Variants in PZP observed in about 807,000 individuals in gnomAD.
PZP encodes the protein PZP alpha-2-macroglobulin like.
PZP carries 150 observed loss-of-function variants against 179.8 expected under a neutral mutation model. The observed-to-expected ratio is 0.83, with a 90% confidence interval of 0.73 to 0.96. The LOEUF (loss-of-function observed/expected upper bound fraction) is 0.96, where lower values mean the gene tolerates loss of function less well. PZP is among the 40% of genes least tolerant of loss of function. PZP has a pLI of 0.00. For missense variants in PZP, 1,689 were observed against 1,764.0 expected, an observed-to-expected ratio of 0.96 and a Z score of 0.76; for synonymous variants, 624 against 652.3, an observed-to-expected ratio of 0.96 and a Z score of 0.66.
chr12:9,198,282 T>C (rs1369692528), intron 7 of PZP, among the ~76,000 whole-genome samples: 1 of 151,772 alleles, frequency 6.6e-6, no homozygotes, highest in Non-Finnish European at 1.5e-5. Flanking sequence ...AGCCCAGGAG[T>C]TTGAGGCTAC....
intron 21 of PZP, 98 bp downstream of exon 21, chr12:9,163,570 A>G: frequency 7.5e-7 from 1 of 1,341,622 alleles, no homozygotes; most frequent in Non-Finnish European, 1.0e-6. Flanking sequence ...TACAGGATGT[A>G]TTGTGTGAGC....
At chr12:9,140,600 G>A in the PZP span, among the ~76,000 whole-genome samples, 2 of 152,294 alleles carry the variant, frequency 1.3e-5, no homozygotes, top group South Asian at 4.1e-4. Flanking sequence ...CTTTTAAACT[G>A]GCATTGATGG....
chr12:9,168,493 T>C lies in PZP; in HGVS notation c.2107+376A>G, dbSNP rs73246399. On this transcript the variant is annotated intron_variant, in intron 17 of 35. Transcript: ENST00000261336. Reference sequence around the variant, plus strand: ...AGATATTTCTGTGATGTTCACGTTGTTTCTTGTCACCAGTGAAGCCCTTTG... The same window carrying C: ...AGATATTTCTGTGATGTTCACGTTGCTTCTTGTCACCAGTGAAGCCCTTTG... 1,744 of 176,844 alleles carry C rather than the reference T, an allele frequency of 9.9e-3. 29 individuals are homozygous for C. Among genetic ancestry groups the C allele is most frequent in the African/African-American group, 0.039 (1,642 of 42,134 alleles). 11.0% of individuals were successfully genotyped at this position (176,844 alleles called of 1,614,324 possible). A position where few individuals can be genotyped will look rare whatever the true frequency, so the allele number is the denominator to read the frequency against.
In PZP at chr12:9,181,961, G is replaced by A. The variant is rs371307538; in HGVS notation, c.1689+14C>T. Reference sequence around the variant, plus strand: ...TTTATTTGTGTTCTTTTAATTTTATGTTAAATCGCTCACCTTGTTGGCTAG... The same window carrying A: ...TTTATTTGTGTTCTTTTAATTTTATATTAAATCGCTCACCTTGTTGGCTAG... On this transcript the variant is annotated intron_variant, in intron 14 of 35. Transcript: ENST00000261336. 1.3e-4 allele frequency: 205 copies of A among 1,609,234 alleles called. No homozygotes were observed. In the African/African-American group the frequency reaches 2.4e-3, roughly 19 times the overall value.
chr12:9,166,007 A>G lies in PZP; in HGVS notation c.2258+45T>C, dbSNP rs1021892802. 1.9e-6 allele frequency: 3 copies of G among 1,561,926 alleles called. No individual in the cohort carries two copies. The African/African-American group carries it at 4.1e-5, about 22-fold the overall frequency. On this transcript the variant is annotated intron_variant, in intron 18 of 35. Coordinates refer to ENST00000261336, the MANE Select transcript of PZP (RefSeq NM_002864.3). ...TAGAATTGAAAATGTTGGAGGAACC[A>G]CATTCCCTCCCCTCCAGCAAATGGA...
intron 13 of PZP, among the ~76,000 whole-genome samples, chr12:9,187,632 G>C (rs547891260): frequency 6.6e-6 from 1 of 152,176 alleles, no homozygotes; most frequent in Non-Finnish European, 1.5e-5. Flanking sequence ...TTTGAAACCA[G>C]TAAGAACAAA....
At chr12:9,161,184 T>G (rs769649396) in intron 22 of PZP, 68 bp from the exon 23 acceptor site, 38 of 1,324,534 alleles carry the variant, frequency 2.9e-5, no homozygotes, top group Non-Finnish European at 3.8e-5. Flanking sequence ...GTGATTATAA[T>G]GTAGTGAGAG....
intron 34 of PZP, among the ~76,000 whole-genome samples, 199 bp downstream of exon 34, chr12:9,150,445 G>A (rs1320995664): frequency 6.6e-6 from 1 of 152,116 alleles, no homozygotes; most frequent in African/African-American, 2.4e-5. Flanking sequence ...ACCACACCCA[G>A]CTAATTTTTT....
chr12:9,178,093 G>C (rs1942509451), intron 15 of PZP, among the ~76,000 whole-genome samples: 1 of 152,164 alleles, frequency 6.6e-6, no homozygotes, highest in South Asian at 2.1e-4. Context: ...TACAAATCAA[G>C]ATCAAGAAAA....
chr12:9,188,940 T>A (rs1276166802), intron 13 of PZP, among the ~76,000 whole-genome samples: 2 of 152,084 alleles, frequency 1.3e-5, no homozygotes, highest in South Asian at 2.1e-4. Flanking sequence ...ATGAAAATGG[T>A]CATATTGCCC....
In PZP at chr12:9,205,433, A is replaced by G. The variant is rs1944398127; in HGVS notation, c.84-1482T>C. Among the ~76,000 whole-genome samples the G allele has an allele frequency of 2.6e-5, 4 of 152,206 alleles. No homozygotes were observed. In the South Asian group the frequency reaches 8.3e-4, roughly 31 times the overall value. On this transcript the variant is annotated intron_variant, in intron 1 of 35. Transcript: ENST00000261336. ...TGTTAAGCTGTCTCTGTATTAAGCC[A>G]TTTAATCTTCCCAGCAATGCTGTAA... is the stretch of plus-strand genomic sequence containing the variant.
rs750273929 is a variant in PZP at position 9,168,873 on chromosome 12, A to G, written c.2103T>C (p.Tyr701=). Residue 701 remains tyrosine (Y), a synonymous_variant, in exon 17 of 36, where the codon TAT becomes TAC. Coordinates refer to ENST00000261336, the MANE Select transcript of PZP (RefSeq NM_002864.3). ...AAAAGCAAATTGCTGTTTTACCTCC[A>G]TAGTATCCTTGACCTACTGCTCCTG... ...VSAGAVGQGY[Y]GAGLGVVERP... is the part of the protein sequence containing the mutation. 3.7e-6 allele frequency: 6 copies of G among 1,611,804 alleles called. No individual in the cohort carries two copies. The highest frequency in any genetic ancestry group is 3.3e-5 in the Admixed American group (2 of 59,968).
intron 27 of PZP, 90 bp downstream of exon 27, chr12:9,157,677 A>T: frequency 8.5e-7 from 1 of 1,178,766 alleles, no homozygotes; most frequent in Non-Finnish European, 1.2e-6. Context: ...GAACCAAAAG[A>T]TACTTGAGAC....
rs1367509515 is a variant in PZP, at chr12:9,148,938, G to A, written c.*34C>T. The A allele has an allele frequency of 6.3e-7, 1 of 1,579,950 alleles. No homozygotes were observed. Among genetic ancestry groups the A allele is most frequent in the South Asian group, 1.1e-5 (1 of 90,188 alleles). On this transcript the variant is annotated 3_prime_UTR_variant, in exon 36 of 36. Transcript: ENST00000261336. ...TCCTTCTAAGTAAATGTATAGGACA[G>A]AGAATCCACCAAAATATACAGCCTG...
rs1944220216 is a variant in PZP at position 9,202,464 on chromosome 12, CTT to C, written c.427+59_427+60del. ...GGCTACGGGGCTAGGATAATGGAGA[CTT>C]TGGCTGTTCAGGTGGCCCTTCTCAG... is the stretch of plus-strand genomic sequence containing the variant. On this transcript the variant is annotated intron_variant, in intron 3 of 35. Coordinates refer to ENST00000261336, the MANE Select transcript of PZP (RefSeq NM_002864.3). The C allele has an allele frequency of 3.1e-6, 5 of 1,612,426 alleles. No individual in the cohort carries two copies. The Admixed American group carries it at 8.3e-5, about 27-fold the overall frequency.
chr12:9,160,873 T>C (rs1356304199), intron 23 of PZP, among the ~76,000 whole-genome samples, 160 bp downstream of exon 23: 5 of 150,366 alleles, frequency 3.3e-5, no homozygotes, highest in Admixed American at 2.0e-4. Flanking sequence ...CGAGATCACG[T>C]CACTGTACTC....
chr12:9,148,855 T>C lies in PZP; in HGVS notation c.*117A>G. On this transcript the variant is annotated 3_prime_UTR_variant, in exon 36 of 36. Transcript: ENST00000261336. ...CAACAAGTGATAGTTTGACCAGAAG[T>C]ACATATTTATTCAGCAAATATTTTT... 1 of 846,500 alleles carries C rather than the reference T, an allele frequency of 1.2e-6. No homozygotes were observed. The highest frequency in any genetic ancestry group is 1.6e-5 in the South Asian group (1 of 62,344). 52.4% of individuals were successfully genotyped at this position (846,500 alleles called of 1,614,324 possible).
chr12:9,200,479 G>A (rs373640825), intron 6 of PZP, 31 bp from the exon 7 acceptor site: 3 of 1,489,398 alleles, frequency 2.0e-6, no homozygotes, highest in African/African-American at 2.8e-5. Flanking sequence ...AATAAGGAAG[G>A]TTGGTAAACA....
intron 15 of PZP, among the ~76,000 whole-genome samples, chr12:9,179,587 C>A (rs1481974448): frequency 6.6e-6 from 1 of 152,138 alleles, no homozygotes; most frequent in Admixed American, 6.5e-5. Context: ...TTTCACAGAT[C>A]CCAACAACTC....
Sources: gnomAD v4.1 joint callset for allele counts (sites outside exome capture counted in the v4.1 genomes callset) on GRCh38, gnomAD v4.1.1 for gene constraint, MANE v1.5 for transcripts, NCBI Gene and HGNC (gene_info 2026-07-23, HGNC 2026-07-21) for gene names.